ROBO2: variants seen among roughly 807,000 people sequenced by gnomAD.
ROBO2 encodes roundabout guidance receptor 2.
ROBO2 carries 53 observed loss-of-function variants against 160.8 expected under a neutral mutation model. The ratio of observed to expected loss-of-function variants is 0.33; its 90% CI spans 0.26 to 0.41. The LOEUF is 0.41. Among genes scored for constraint, ROBO2 ranks in the 10% least tolerant of loss-of-function variants. ROBO2 has a pLI of 1.00. For synonymous variants in ROBO2, 664 were observed against 611.7 expected, an observed-to-expected ratio of 1.09 and a Z score of -1.26; for missense variants, 1,577 against 1,722.4, an observed-to-expected ratio of 0.92 and a Z score of 1.49.
intron 1 of ROBO2, among the ~76,000 whole-genome samples, chr3:77,081,856 T>C (rs2068701803): frequency 6.6e-6 from 1 of 152,156 alleles, no homozygotes; most frequent in Non-Finnish European, 1.5e-5. Context: ...CTCCAATGCT[T>C]GGGTGGTTTT....
intron 2 of ROBO2, among the ~76,000 whole-genome samples, chr3:77,264,610 C>T (rs181730645): frequency 3.1e-4 from 47 of 152,002 alleles, no homozygotes; most frequent in Non-Finnish European, 6.5e-4. Context: ...CAACTGGATC[C>T]TTCTAGAGGA....
At chr3:76,386,746 T>A (rs1305651764) in intron 2 of ROBO2, among the ~76,000 whole-genome samples, 1 of 152,060 alleles carries the variant, frequency 6.6e-6, no homozygotes, top group Non-Finnish European at 1.5e-5. Context: ...TTCTGTTAAT[T>A]CAGTGTTGAA....
chr3:76,980,308 C>T (rs567306453), intron 2 of ROBO2, among the ~76,000 whole-genome samples: 24 of 152,316 alleles, frequency 1.6e-4, no homozygotes, highest in African/African-American at 5.1e-4. Flanking sequence ...ACTCTAGCTA[C>T]GCTGGCTTCC....
intron 2 of ROBO2, among the ~76,000 whole-genome samples, chr3:77,114,030 G>A (rs534864790): frequency 2.0e-5 from 3 of 152,256 alleles, no homozygotes; most frequent in Non-Finnish European, 2.9e-5. Flanking sequence ...GATGACAAAC[G>A]AAGTAGCCTC....
intron 2 of ROBO2, among the ~76,000 whole-genome samples, chr3:77,124,503 C>T (rs2075127915): frequency 6.6e-6 from 1 of 151,998 alleles, no homozygotes; most frequent in African/African-American, 2.4e-5. Context: ...ATCCAGGAGT[C>T]AGTAGTATGT....
At chr3:77,073,254 A>AATGG (rs2067601036) in intron 1 of ROBO2, among the ~76,000 whole-genome samples, 2 of 152,236 alleles carry the variant, frequency 1.3e-5, no homozygotes, top group Non-Finnish European at 2.9e-5. Context: ...TGTTCTGAAT[A>AATGG]CCAGGTAAAC....
At chr3:76,589,028 G>T (rs1473642997) in intron 2 of ROBO2, among the ~76,000 whole-genome samples, 1 of 152,064 alleles carries the variant, frequency 6.6e-6, no homozygotes, top group Non-Finnish European at 1.5e-5. Context: ...GACTAGTTTG[G>T]AAATCTTGAT....
intron 2 of ROBO2, among the ~76,000 whole-genome samples, chr3:76,279,118 G>A (rs1247787059): frequency 2.0e-5 from 3 of 150,758 alleles, no homozygotes; most frequent in Non-Finnish European, 1.5e-5. Flanking sequence ...ATAAATATAT[G>A]GATATATTAT....
intron 2 of ROBO2, among the ~76,000 whole-genome samples, chr3:76,037,260 C>CTT (rs5850229): frequency 7.4e-4 from 101 of 137,170 alleles, no homozygotes; most frequent in African/African-American, 1.2e-3. Context: ...TTTCTTTTTT[C>CTT]TTTTTTTTTT....
intron 2 of ROBO2, among the ~76,000 whole-genome samples, chr3:77,384,695 A>T (rs1048101161): frequency 1.4e-4 from 22 of 152,218 alleles, no homozygotes; most frequent in Non-Finnish European, 2.1e-4. Flanking sequence ...TAATGAGCAG[A>T]TATAGACCTT....
At chr3:77,291,334 C>T (rs1399132772) in intron 2 of ROBO2, among the ~76,000 whole-genome samples, 1 of 149,040 alleles carries the variant, frequency 6.7e-6, no homozygotes, top group Non-Finnish European at 1.5e-5. Context: ...CTAGATCACC[C>T]CAGACGTAAA....
intron 2 of ROBO2, among the ~76,000 whole-genome samples, chr3:77,174,359 T>G (rs2079930791): frequency 6.6e-6 from 1 of 152,014 alleles, no homozygotes; most frequent in South Asian, 2.1e-4. Context: ...AAAAAAGAGT[T>G]TTCTTTATAC....
At chr3:77,436,738 C>T (rs1289399818) in intron 2 of ROBO2, among the ~76,000 whole-genome samples, 1 of 151,330 alleles carries the variant, frequency 6.6e-6, no homozygotes, top group African/African-American at 2.4e-5. Context: ...AGAACTAGTT[C>T]CAAAAATGTA....
At chr3:77,339,905 G>T (rs949276870) in intron 2 of ROBO2, among the ~76,000 whole-genome samples, 14 of 152,090 alleles carry the variant, frequency 9.2e-5, no homozygotes, top group African/African-American at 3.4e-4. Context: ...CTACCAGATA[G>T]CTACTTTTTA....
At chr3:75,916,440 T>C (rs931531784) in intron 1 of ROBO2, among the ~76,000 whole-genome samples, 2 of 152,160 alleles carry the variant, frequency 1.3e-5, no homozygotes, top group Admixed American at 6.6e-5. Context: ...GCTCACATGG[T>C]AGGCAACAGA....
chr3:76,046,048 A>C (rs534244440), intron 2 of ROBO2, among the ~76,000 whole-genome samples: 1 of 152,008 alleles, frequency 6.6e-6, no homozygotes, highest in East Asian at 1.9e-4. Context: ...ATACCTTTCA[A>C]GTCAGAAATT....
At position 76,176,854 on chromosome 3, in the gene ROBO2, G is replaced by A. The variant is rs139506712; in HGVS notation, c.109+239252G>A. On this transcript the variant is annotated intron_variant, in intron 2 of 26. Transcript: ENST00000487694. The stretch of plus-strand genomic sequence containing the variant: ...CCAATAATATGTGTATGTCATTTCC[G>A]TTTTATAGTAGAACACTCAAGTGTA... 4.8e-4 allele frequency among the ~76,000 whole-genome samples: 73 copies of A among 151,952 alleles called. 3 individuals are homozygous for A. The East Asian group carries it at 0.011, about 23-fold the overall frequency.
rs569990925 is a variant in ROBO2 at position 77,130,391 on chromosome 3, C to T, written c.388+32051C>T. Reference sequence around the variant, plus strand: ...CTTGAATTTGCTTTTTGTCTAACTTCATTTCCATAATCTAAAATAAATATA... The same window carrying T: ...CTTGAATTTGCTTTTTGTCTAACTTTATTTCCATAATCTAAAATAAATATA... On this transcript the variant is annotated intron_variant, in intron 2 of 25. Transcript: ENST00000461745. Among the ~76,000 whole-genome samples the T allele has an allele frequency of 3.9e-5, 6 of 152,274 alleles. No individual in the cohort carries two copies. In the South Asian group the frequency reaches 1.2e-3, roughly 32 times the overall value.
intron 2 of ROBO2, among the ~76,000 whole-genome samples, chr3:77,163,999 C>T (rs574385075): frequency 1.3e-4 from 20 of 152,320 alleles, no homozygotes; most frequent in African/African-American, 4.3e-4. Flanking sequence ...CAACTTCCCA[C>T]TGCATAGAAA....
Sources: gnomAD v4.1 joint callset for allele counts (sites outside exome capture counted in the v4.1 genomes callset) on GRCh38, gnomAD v4.1.1 for gene constraint, MANE v1.5 for transcripts, NCBI Gene and HGNC (gene_info 2026-07-23, HGNC 2026-07-21) for gene names.